The following SHTN1 variants were observed in gnomAD, a reference collection of about 807,000 sequenced individuals.
The protein encoded by SHTN1 is shootin-1.
A neutral mutation model predicts 83.1 loss-of-function variants in SHTN1; 42 were observed. The observed-to-expected ratio is 0.51, with a 90% CI of 0.39 to 0.65. SHTN1 has a LOEUF of 0.65. Ranked by LOEUF, SHTN1 falls within the 30% of genes least tolerant of loss-of-function variation. SHTN1 has a pLI of 0.00. For synonymous variants in SHTN1, 224 were observed against 247.7 expected (o/e 0.90, Z 0.90); for missense variants, 622 against 737.8 (o/e 0.84, Z 1.82).
rs547881648 is a variant in SHTN1, at chr10:116,887,989, ACT to A, written c.1674-1425_1674-1424del. On this transcript the variant is annotated intron_variant, in intron 16 of 16. Coordinates refer to ENST00000355371, the MANE Select transcript of SHTN1 (RefSeq NM_001127211.3). ...ACCCAAAGACCACACTGCTTTTTTC[ACT>A]TTCTGACCAGTACTGTAAGATCTGT... is the stretch of plus-strand genomic sequence containing the variant. Among the ~76,000 whole-genome samples the A allele has an allele frequency of 8.5e-3, 1,287 of 152,234 alleles. 4 individuals carry two copies. The highest frequency in any genetic ancestry group is 0.011 in the Admixed American group (172 of 15,308).
At chr10:117,057,237 C>T (rs1016251912) in intron 1 of SHTN1, among the ~76,000 whole-genome samples, 1 of 152,124 alleles carries the variant, frequency 6.6e-6, no homozygotes, top group Non-Finnish European at 1.5e-5. Context: ...AAGACTTAAA[C>T]AGTAAATTGC....
At chr10:117,111,660 A>G (rs931773755) in intron 1 of SHTN1, among the ~76,000 whole-genome samples, 3 of 152,110 alleles carry the variant, frequency 2.0e-5, no homozygotes, top group African/African-American at 7.2e-5. Flanking sequence ...TTTGAGGACC[A>G]CTGGATTAGA....
chr10:116,892,039 T>G (rs888045395), intron 16 of SHTN1, among the ~76,000 whole-genome samples: 2 of 152,200 alleles, frequency 1.3e-5, no homozygotes, highest in South Asian at 4.1e-4. Flanking sequence ...GATGCTGATT[T>G]GCTCTCAACA....
intron 16 of SHTN1, among the ~76,000 whole-genome samples, chr10:116,890,626 G>T (rs1298419948): frequency 6.6e-6 from 1 of 152,182 alleles, no homozygotes; most frequent in Non-Finnish European, 1.5e-5. Flanking sequence ...AAAGCTACGA[G>T]AAATATACCA....
chr10:117,048,082 G>A (rs1002156400), intron 2 of SHTN1, among the ~76,000 whole-genome samples: 7 of 152,158 alleles, frequency 4.6e-5, no homozygotes, highest in Non-Finnish European at 5.9e-5. Flanking sequence ...GGCATAGTCC[G>A]GTGAAAAGAG....
chr10:117,081,758 T>C lies in SHTN1; in HGVS notation c.-188-33248A>G, dbSNP rs1179493235. 4.0e-5 allele frequency among the ~76,000 whole-genome samples: 6 copies of C among 149,342 alleles called. No individual in the cohort carries two copies. In the East Asian group the frequency reaches 1.0e-3, roughly 25 times the overall value. On this transcript the variant is annotated intron_variant, in intron 1 of 17. Coordinates refer to the SHTN1 transcript ENST00000392901. ...GAGATTCAACTTCTTCCTGGTTTAG[T>C]CTTGGGAGAGTGTATGTGTCAAGGA... is the stretch of plus-strand genomic sequence containing the variant.
intron 1 of SHTN1, among the ~76,000 whole-genome samples, chr10:116,999,780 G>A (rs970931830): frequency 6.6e-6 from 1 of 152,106 alleles, no homozygotes; most frequent in Non-Finnish European, 1.5e-5. Context: ...GGGTGTGGTG[G>A]CACATGCCTG....
intron 2 of SHTN1, among the ~76,000 whole-genome samples, chr10:116,975,869 A>G (rs968293479): frequency 6.6e-6 from 1 of 152,242 alleles, no homozygotes; most frequent in Non-Finnish European, 1.5e-5. Flanking sequence ...TTTGATACTT[A>G]TATTCAACTT....
At chr10:116,965,466 G>C (rs1850354645) in intron 3 of SHTN1, among the ~76,000 whole-genome samples, 1 of 152,194 alleles carries the variant, frequency 6.6e-6, no homozygotes, top group Non-Finnish European at 1.5e-5. Flanking sequence ...GCAGCGAGCA[G>C]AGATCACGCC....
Position 116,881,647 on chromosome 10 carries a change from A to G in SHTN1, c.*4697T>C. The G allele has an allele frequency of 6.5e-7, 1 of 1,547,130 alleles. No homozygotes were observed. Among genetic ancestry groups the G allele is most frequent in the Non-Finnish European group, 8.7e-7 (1 of 1,145,452 alleles). ...ACACAAGGTGTAGAGGAATCAGCCG[A>G]AACAGGAGCATCCTCTGGATAGGGC... is the stretch of plus-strand genomic sequence containing the variant. On this transcript the variant is annotated 3_prime_UTR_variant, in exon 17 of 17. Transcript: ENST00000355371.
At chr10:116,964,610 A>G (rs1000787358) in intron 3 of SHTN1, among the ~76,000 whole-genome samples, 4 of 152,248 alleles carry the variant, frequency 2.6e-5, no homozygotes, top group African/African-American at 9.6e-5. Context: ...GTAAGGAAAG[A>G]GCCATGAAAG....
intron 8 of SHTN1, among the ~76,000 whole-genome samples, chr10:116,942,640 T>TG (rs1314299439): frequency 1.3e-5 from 2 of 152,312 alleles, no homozygotes; most frequent in East Asian, 1.9e-4. Flanking sequence ...GAGTTAAGAA[T>TG]GGGGGGTAAC....
upstream of SHTN1, among the ~76,000 whole-genome samples, chr10:117,010,388 A>G (rs1425292240): frequency 2.0e-5 from 3 of 152,104 alleles, no homozygotes; most frequent in African/African-American, 7.2e-5. Flanking sequence ...CAGAACTATT[A>G]TAAGTAGAGT....
rs1847981300 is a variant in SHTN1, at chr10:116,906,628, ACTG to A, written c.1476_1478del (p.Ser494del). 1 of 1,611,426 alleles carries A rather than the reference ACTG, an allele frequency of 6.2e-7. No homozygotes were observed. The highest frequency in any genetic ancestry group is 1.1e-5 in the South Asian group (1 of 90,488). On this transcript the variant is annotated inframe_deletion and splice_region_variant, in exon 15 of 17. Transcript: ENST00000355371. Reference sequence around the variant, plus strand: ...TGTGGAGAATTCAAACCGGCTTACTACTGCTATCTGCTTCTGCTGTCACCTTTC... The same window carrying A: ...TGTGGAGAATTCAAACCGGCTTACTACTATCTGCTTCTGCTGTCACCTTTC...
chr10:117,122,583 T>C (rs1485116560), intron 1 of SHTN1, among the ~76,000 whole-genome samples: 1 of 152,232 alleles, frequency 6.6e-6, no homozygotes, highest in Non-Finnish European at 1.5e-5. Flanking sequence ...AAAACCACAA[T>C]GAGGCATCAC....
At chr10:116,937,510 A>T (rs1185702386) in intron 9 of SHTN1, among the ~76,000 whole-genome samples, 1 of 152,180 alleles carries the variant, frequency 6.6e-6, no homozygotes, top group African/African-American at 2.4e-5. Flanking sequence ...TCTGGTTTGT[A>T]GGGTTTCTGC....
At chr10:117,102,842 C>T (rs1853613892) in intron 1 of SHTN1, among the ~76,000 whole-genome samples, 1 of 152,156 alleles carries the variant, frequency 6.6e-6, no homozygotes, top group East Asian at 1.9e-4. Flanking sequence ...ATCCCTTAAG[C>T]ATCAATGGGA....
chr10:117,036,912 A>C (rs572849445), intron 2 of SHTN1, among the ~76,000 whole-genome samples: 74 of 152,322 alleles, frequency 4.9e-4, no homozygotes, highest in African/African-American at 1.6e-3. Context: ...TATACCTTCT[A>C]TGTATGCACA....
intron 1 of SHTN1, among the ~76,000 whole-genome samples, chr10:117,075,096 CT>C (rs1308268013): frequency 1.3e-5 from 2 of 152,100 alleles, no homozygotes; most frequent in African/African-American, 4.8e-5. Context: ...GGAAACTGTA[CT>C]ATTATTTTCC....
Sources: gnomAD v4.1 joint callset for allele counts (sites outside exome capture counted in the v4.1 genomes callset) on GRCh38, gnomAD v4.1.1 for gene constraint, MANE v1.5 for transcripts, NCBI Gene and HGNC (gene_info 2026-07-23, HGNC 2026-07-21) for gene names.